PTPRG: variants seen among roughly 807,000 people sequenced by gnomAD.
PTPRG encodes protein tyrosine phosphatase receptor type G.
A neutral mutation model predicts 165.3 loss-of-function variants in PTPRG; 102 were observed. That is an observed-to-expected ratio of 0.62 (90% CI 0.53 to 0.73). The LOEUF is 0.73. Among genes scored for constraint, PTPRG ranks in the 30% least tolerant of loss-of-function variants. PTPRG has a pLI of 0.00. For synonymous variants in PTPRG, 675 were observed against 669.5 expected (o/e 1.01, Z -0.13); for missense variants, 1,866 against 1,861.4 (o/e 1.00, Z -0.05).
chr3:61,629,315 C>CG, intron 1 of PTPRG, among the ~76,000 whole-genome samples: 1 of 151,990 alleles, frequency 6.6e-6, no homozygotes, highest in East Asian at 1.9e-4. Context: ...CCACCATGAC[C>CG]GGCTAATTTT....
chr3:61,652,770 C>T (rs570707071), intron 1 of PTPRG, among the ~76,000 whole-genome samples: 11 of 152,260 alleles, frequency 7.2e-5, no homozygotes, highest in South Asian at 4.1e-4. Context: ...TCCTGGCCTC[C>T]ACTCACTGGA....
intron 1 of PTPRG, among the ~76,000 whole-genome samples, chr3:61,590,021 C>T (rs904148013): frequency 6.6e-6 from 1 of 152,036 alleles, no homozygotes; most frequent in Non-Finnish European, 1.5e-5. Flanking sequence ...CAGACTGATG[C>T]TTTCCGAGAC....
intron 13 of PTPRG, among the ~76,000 whole-genome samples, chr3:62,220,819 G>T (rs902136902): frequency 2.6e-5 from 4 of 152,148 alleles, no homozygotes; most frequent in African/African-American, 9.7e-5. Flanking sequence ...AGCACTGTTT[G>T]GTTTTAGTCT....
chr3:61,710,792 T>C (rs189559071), intron 1 of PTPRG, among the ~76,000 whole-genome samples: 1 of 152,220 alleles, frequency 6.6e-6, no homozygotes, highest in Admixed American at 6.5e-5. Context: ...ATTATTATAC[T>C]TCAAGTTCTG....
chr3:62,238,580 G>A (rs2106939490), intron 14 of PTPRG, among the ~76,000 whole-genome samples: 1 of 152,156 alleles, frequency 6.6e-6, no homozygotes, highest in East Asian at 1.9e-4. Context: ...TTCATAATTG[G>A]ACACAGTACA....
intron 2 of PTPRG, among the ~76,000 whole-genome samples, chr3:61,921,227 A>G (rs1281109642): frequency 1.3e-5 from 2 of 151,574 alleles, no homozygotes; most frequent in Non-Finnish European, 2.9e-5. Context: ...GGAAAGTCTT[A>G]TTTTCTTTTA....
intron 12 of PTPRG, among the ~76,000 whole-genome samples, chr3:62,216,202 A>G (rs1156952088): frequency 7.0e-6 from 1 of 143,002 alleles, no homozygotes; most frequent in African/African-American, 2.7e-5. Flanking sequence ...ACAGAGTGAG[A>G]CCCTGTTTCA....
At chr3:61,755,013 A>T (rs2033585963) in intron 2 of PTPRG, among the ~76,000 whole-genome samples, 3 of 149,192 alleles carry the variant, frequency 2.0e-5, no homozygotes, top group Non-Finnish European at 4.4e-5. Flanking sequence ...TTCTTTTGAG[A>T]TGGAGTCTTA....
intron 1 of PTPRG, among the ~76,000 whole-genome samples, chr3:61,644,208 A>G (rs987616912): frequency 1.3e-5 from 2 of 152,202 alleles, no homozygotes; most frequent in African/African-American, 4.8e-5. Flanking sequence ...TTTTTGGCAG[A>G]TGTGCCAAAG....
chr3:62,150,154 G>A (rs563142922), intron 6 of PTPRG, among the ~76,000 whole-genome samples: 7 of 152,288 alleles, frequency 4.6e-5, no homozygotes, highest in Admixed American at 3.3e-4. Context: ...ATATGACTAA[G>A]TTTGCTAACA....
At chr3:61,763,353 T>TG (rs2106978983) in intron 2 of PTPRG, among the ~76,000 whole-genome samples, 2 of 152,186 alleles carry the variant, frequency 1.3e-5, no homozygotes, top group South Asian at 4.1e-4. Flanking sequence ...CTCTCCTGCC[T>TG]CAGCCTCCCA....
At chr3:61,893,817 A>G (rs945025056) in intron 2 of PTPRG, among the ~76,000 whole-genome samples, 3 of 152,168 alleles carry the variant, frequency 2.0e-5, no homozygotes, top group Non-Finnish European at 4.4e-5. Flanking sequence ...TTTAAGAGAA[A>G]CATTTCGTTT....
At chr3:61,946,799 A>G (rs1349128391) in intron 2 of PTPRG, among the ~76,000 whole-genome samples, 1 of 152,228 alleles carries the variant, frequency 6.6e-6, no homozygotes, top group Non-Finnish European at 1.5e-5. Context: ...TTTTAAGCAC[A>G]CTGAATTTGT....
chr3:62,023,870 ATGT>A (rs747739766), intron 4 of PTPRG, among the ~76,000 whole-genome samples: 18 of 152,128 alleles, frequency 1.2e-4, no homozygotes, highest in Non-Finnish European at 2.2e-4. Flanking sequence ...AGAACATGAG[ATGT>A]TGTGCAGTAA....
chr3:61,665,375 A>G (rs4688264), intron 1 of PTPRG, among the ~76,000 whole-genome samples: 148,013 of 152,086 alleles, frequency 0.97, 72,108 homozygotes, highest in Non-Finnish European at 1. Flanking sequence ...GCGATATGGC[A>G]ATGTTTTATG....
intron 2 of PTPRG, among the ~76,000 whole-genome samples, chr3:61,859,925 C>T (rs924013540): frequency 3.9e-5 from 6 of 152,190 alleles, no homozygotes; most frequent in African/African-American, 1.4e-4. Flanking sequence ...CATAGATGCT[C>T]AGTAAACCAG....
intron 2 of PTPRG, among the ~76,000 whole-genome samples, chr3:61,989,377 T>A (rs543431816): frequency 6.6e-6 from 1 of 152,344 alleles, no homozygotes; most frequent in East Asian, 1.9e-4. Context: ...ACAACTCTCT[T>A]AACCTGATTA....
chr3:61,795,579 G>A (rs1305736214), intron 2 of PTPRG, among the ~76,000 whole-genome samples: 4 of 139,884 alleles, frequency 2.9e-5, no homozygotes, highest in African/African-American at 1.1e-4. Flanking sequence ...AGCAGAGGTT[G>A]CAGTGAGCCG....
chr3:62,187,756 G>T (rs569843126), intron 8 of PTPRG, among the ~76,000 whole-genome samples: 1 of 152,128 alleles, frequency 6.6e-6, no homozygotes, highest in African/African-American at 2.4e-5. Context: ...TACCCAGGAT[G>T]GGGGGTAGAG....
Sources: allele counts gnomAD v4.1 joint callset (sites outside exome capture counted in the v4.1 genomes callset), GRCh38; gene constraint gnomAD v4.1.1; transcripts MANE v1.5; gene names NCBI Gene and HGNC (gene_info 2026-07-23, HGNC 2026-07-21).